CLK2: variants seen among roughly 807,000 people sequenced by gnomAD.
CLK2 encodes the protein CDC like kinase 2.
CLK2 carries 12 observed loss-of-function variants against 73.5 expected under a neutral mutation model. The ratio of observed to expected loss-of-function variants is 0.16; its 90% CI spans 0.10 to 0.26. CLK2 has a LOEUF of 0.26. Ranked by LOEUF, CLK2 falls within the 10% of genes least tolerant of loss-of-function variation. The probability of loss-of-function intolerance (pLI) is 1.00; values close to 1 mark genes in which losing one functional copy is unlikely to be tolerated. For missense variants in CLK2, 509 were observed against 688.4 expected (o/e 0.74, Z 2.92); for synonymous variants, 232 against 237.9 (o/e 0.98, Z 0.23).
Position 155,268,072 on chromosome 1 carries a change from T to C in CLK2, c.609A>G (p.Glu203=), listed in dbSNP as rs758268337. The C allele has an allele frequency of 2.5e-6, 4 of 1,614,206 alleles. No homozygotes were observed. The highest frequency in any genetic ancestry group is 3.4e-6 in the Non-Finnish European group (4 of 1,180,036). Residue 203 remains glutamate (E), a synonymous_variant, in exon 6 of 13, where the codon GAA becomes GAG. Coordinates refer to ENST00000368361, the MANE Select transcript of CLK2 (RefSeq NM_001294338.2). The surrounding 1 kb of genome is among the most constrained non-coding windows in gnomAD (Gnocchi z 5.6). ...GCACGTTGATCTCAAGTCGAGCTGC[T>C]TCCTTGTACTTCTCCACATTCTTAA... ...KIIKNVEKYK[E]AARLEINVLE... is the part of the protein sequence containing the mutation.
rs1378614460 is a variant in CLK2, at chr1:155,266,941, T to C, written c.672-46A>G. The C allele has an allele frequency of 1.9e-6, 3 of 1,598,132 alleles. No homozygotes were observed. The East Asian group carries it at 6.7e-5, about 36-fold the overall frequency. On this transcript the variant is annotated intron_variant, in intron 6 of 12. Transcript: ENST00000368361. ...AGGGGGGTTGTCTGATGAGCTCCCATCTGCCCATCAGCCATCCAACAAGGA... is the reference window on the plus strand; with the variant it reads ...AGGGGGGTTGTCTGATGAGCTCCCACCTGCCCATCAGCCATCCAACAAGGA...
intron 1 of CLK2, 118 bp from the exon 2 acceptor site, chr1:155,271,095 C>T: frequency 2.0e-6 from 2 of 1,000,880 alleles, no homozygotes; most frequent in Non-Finnish European, 3.0e-6. Flanking sequence ...CCTCTTTTTA[C>T]CAGGCACAAC....
At chr1:155,263,518 T>C (rs772594143) in intron 12 of CLK2, 118 bp from the exon 13 acceptor site, 243 of 1,471,774 alleles carry the variant, frequency 1.7e-4, no homozygotes, top group Non-Finnish European at 2.1e-4. Flanking sequence ...ATTTGAAGGC[T>C]ACCTAACCAC....
chr1:155,273,445 C>G lies in CLK2; in HGVS notation c.-245G>C, dbSNP rs1350561596. On this transcript the variant is annotated 5_prime_UTR_variant, in exon 1 of 13. Transcript: ENST00000368361. ...CCCCGCCCGGGGCCCGATCCCAGCT[C>G]GGTCTCCGGCTCTGGCCTCTCCGCT... 1 of 152,984 alleles carries G rather than the reference C, an allele frequency of 6.5e-6. No individual in the cohort carries two copies. Among genetic ancestry groups the G allele is most frequent in the Non-Finnish European group, 1.5e-5 (1 of 68,518 alleles). 9.5% of individuals were successfully genotyped at this position (152,984 alleles called of 1,614,324 possible).
rs144510106 is a variant in CLK2 at position 155,269,553 on chromosome 1, G to A, written c.334C>T (p.Arg112Cys). The A allele has an allele frequency of 3.8e-5, 61 of 1,614,120 alleles. No homozygotes were observed. The highest frequency in any genetic ancestry group is 1.1e-4 in the African/African-American group (8 of 75,058). Residue 112 changes from arginine to cysteine, a missense_variant, in exon 3 of 13, where the codon CGC becomes TGC. Around this residue, in one of 6 missense-constraint regions of CLK2, gnomAD observed 222 missense variants for 221.7 expected, o/e 1.00. Coordinates refer to ENST00000368361, the MANE Select transcript of CLK2 (RefSeq NM_001294338.2). ...QRENSSYRSQ[R>C]SSRRKHRRRR... ...CGTCTGTGCTTCCTCCGGCTGCTGCGCTGGCTGCGGTAACTGCTGTTCTCC... is the reference window on the plus strand; with the variant it reads ...CGTCTGTGCTTCCTCCGGCTGCTGCACTGGCTGCGGTAACTGCTGTTCTCC...
At chr1:155,271,080 T>C (rs1291769042) in intron 1 of CLK2, 103 bp from the exon 2 acceptor site, 1 of 1,203,598 alleles carries the variant, frequency 8.3e-7, no homozygotes, top group East Asian at 2.4e-5. Context: ...CCCCTCTTAT[T>C]TCTGCCTCTT....
chr1:155,268,035 T>G lies in CLK2; in HGVS notation c.646A>C (p.Asn216His), dbSNP rs1170981353. ...RLEINVLEKI[N>H]EKDPDNKNLC... ...TTCTTGTTGTCAGGGTCTTTCTCAT[T>G]GATTTTCTCTAGCACGTTGATCTCA... The change falls in exon 6 of 13, where the codon AAT (asparagine) becomes CAT (histidine). Residue 216 changes from asparagine to histidine, a missense_variant. Around this residue, in one of 6 missense-constraint regions of CLK2, gnomAD observed 76 missense variants for 126.4 expected, o/e 0.60. Coordinates refer to ENST00000368361, the MANE Select transcript of CLK2 (RefSeq NM_001294338.2). The surrounding 1 kb of genome is among the most constrained non-coding windows in gnomAD (Gnocchi z 5.6). 1.2e-6 allele frequency: 2 copies of G among 1,613,896 alleles called. No individual in the cohort carries two copies. Among genetic ancestry groups the G allele is most frequent in the Admixed American group, 1.7e-5 (1 of 60,022 alleles).
At chr1:155,266,937 C>T in intron 6 of CLK2, 42 bp from the exon 7 acceptor site, 1 of 1,597,940 alleles carries the variant, frequency 6.3e-7, no homozygotes, top group Non-Finnish European at 8.5e-7. Flanking sequence ...CTGATGAGCT[C>T]CCATCTGCCC....
At chr1:155,267,078 G>C (rs1362779414) in intron 6 of CLK2, among the ~76,000 whole-genome samples, 183 bp from the exon 7 acceptor site, 1 of 151,994 alleles carries the variant, frequency 6.6e-6, no homozygotes, top group East Asian at 1.9e-4. Flanking sequence ...AAGAAGAATG[G>C]TACTATCTGC....
intron 6 of CLK2, among the ~76,000 whole-genome samples, chr1:155,267,808 G>A (rs1476430917): frequency 6.6e-6 from 1 of 152,084 alleles, no homozygotes; most frequent in African/African-American, 2.4e-5. Flanking sequence ...TAACTTCCCT[G>A]AAAACAAGGG....
chr1:155,263,353 C>T lies in CLK2; in HGVS notation c.1365G>A (p.Leu455=). Residue 455 remains leucine, a synonymous_variant, in exon 13 of 13, where the codon CTG becomes CTA. Coordinates refer to ENST00000368361, the MANE Select transcript of CLK2 (RefSeq NM_001294338.2). ...GTTCATACTCTAGCATGCTTTCAAT[C>T]AGATCGAAGAGCTGGTGGTGTTCCT... ...EAEEHHQLFD[L]IESMLEYEPA... 1 of 1,614,190 alleles carries T rather than the reference C, an allele frequency of 6.2e-7. No homozygotes were observed. The highest frequency in any genetic ancestry group is 8.5e-7 in the Non-Finnish European group (1 of 1,180,046).
At chr1:155,266,210 G>A (rs1478690239) in intron 7 of CLK2, among the ~76,000 whole-genome samples, 1 of 151,766 alleles carries the variant, frequency 6.6e-6, no homozygotes, top group Non-Finnish European at 1.5e-5. Context: ...TACACACTTT[G>A]ACATGTGTCT....
chr1:155,267,215 T>C (rs1673271839), intron 6 of CLK2, among the ~76,000 whole-genome samples: 2 of 152,006 alleles, frequency 1.3e-5, no homozygotes, highest in African/African-American at 4.8e-5. Flanking sequence ...GCCTCAGCCT[T>C]CCAAGTAGCT....
intron 7 of CLK2, among the ~76,000 whole-genome samples, chr1:155,266,510 C>T (rs1015279954): frequency 1.3e-5 from 2 of 152,238 alleles, no homozygotes; most frequent in Non-Finnish European, 2.9e-5. Flanking sequence ...GCTTTCTCTT[C>T]TAGCTGCTGC....
rs1371627386 is a variant in CLK2, at chr1:155,273,490, C to G, written c.-290G>C. On this transcript the variant is annotated 5_prime_UTR_variant, in exon 1 of 13. Coordinates refer to ENST00000368361, the MANE Select transcript of CLK2 (RefSeq NM_001294338.2). ...TCCGCTCCGCCGCCGCCGCCGTGAG[C>G]GAGCACGTACGCACGGACCGACGTC... 2 of 153,080 alleles carry G rather than the reference C, an allele frequency of 1.3e-5. No homozygotes were observed. The highest frequency in any genetic ancestry group is 4.8e-5 in the African/African-American group (2 of 41,490). 9.5% of individuals were successfully genotyped at this position (153,080 alleles called of 1,614,324 possible). A position where few individuals can be genotyped will look rare whatever the true frequency, so the allele number is the denominator to read the frequency against.
At chr1:155,265,765 A>C (rs1260263448) in intron 8 of CLK2, 95 bp downstream of exon 8, 3 of 843,060 alleles carry the variant, frequency 3.6e-6, no homozygotes, top group Non-Finnish European at 6.2e-6. Flanking sequence ...ATGTGGGAGG[A>C]CGAAATAAAA....
intron 2 of CLK2, 63 bp from the exon 3 acceptor site, chr1:155,269,779 T>A: frequency 6.9e-7 from 1 of 1,459,844 alleles, no homozygotes; most frequent in South Asian, 1.1e-5. Flanking sequence ...CCATACCCTG[T>A]GACAAGGTCC....
Position 155,264,386 on chromosome 1 carries a change from T to C in CLK2, c.1146+82A>G. On this transcript the variant is annotated intron_variant, in intron 10 of 12. Coordinates refer to ENST00000368361, the MANE Select transcript of CLK2 (RefSeq NM_001294338.2). ...CAGGAAGGCAGGCAATGTGGAGAACTGAGTAGGCAGGTCCTCAGCAGAAAA... is the reference window on the plus strand; with the variant it reads ...CAGGAAGGCAGGCAATGTGGAGAACCGAGTAGGCAGGTCCTCAGCAGAAAA... 4 of 1,600,718 alleles carry C rather than the reference T, an allele frequency of 2.5e-6. No individual in the cohort carries two copies. In the Admixed American group the frequency reaches 6.7e-5, roughly 27 times the overall value.
intron 12 of CLK2, chr1:155,263,612 C>T (rs920838931): frequency 1.0e-6 from 1 of 975,268 alleles, no homozygotes; most frequent in African/African-American, 2.0e-5. Context: ...TTTGAAAGTT[C>T]TTTCTACTTG....
Sources: allele counts gnomAD v4.1 joint callset (sites outside exome capture counted in the v4.1 genomes callset), GRCh38; gene constraint gnomAD v4.1.1; regional missense constraint gnomAD v4.1.1; non-coding constraint Gnocchi (gnomAD v3.1); transcripts MANE v1.5; gene names NCBI Gene and HGNC (gene_info 2026-07-23, HGNC 2026-07-21).